FIS1: variants seen among roughly 807,000 people sequenced by gnomAD.
The protein encoded by FIS1 is mitochondrial fission 1 protein.
Under a neutral mutation model 21.6 loss-of-function variants are expected in FIS1, and 16 were observed. The observed-to-expected ratio is 0.74, with a 90% CI of 0.50 to 1.12. The LOEUF is 1.12. FIS1 is among the 50% of genes most tolerant of loss of function. The probability of loss-of-function intolerance (pLI) is 0.00; values close to 1 mark genes in which losing one functional copy is unlikely to be tolerated. For synonymous variants in FIS1, 92 were observed against 82.2 expected, an observed-to-expected ratio of 1.12 and a Z score of -0.65; for missense variants, 198 against 190.9, an observed-to-expected ratio of 1.04 and a Z score of -0.22.
At chr7:101,243,550 G>A (rs915074186) in intron 2 of FIS1, among the ~76,000 whole-genome samples, 1 of 152,196 alleles carries the variant, frequency 6.6e-6, no homozygotes, top group African/African-American at 2.4e-5. Context: ...ACTCCAGCCT[G>A]GGGGACAGAG....
chr7:101,244,573 G>A (rs781224220), intron 1 of FIS1: 7 of 361,762 alleles, frequency 1.9e-5, no homozygotes, highest in Non-Finnish European at 3.6e-5. Flanking sequence ...GAGCTACAAA[G>A]ACTGAGATCT....
At chr7:101,240,382 T>G in intron 3 of FIS1, 135 bp from the exon 4 acceptor site, 1 of 799,764 alleles carries the variant, frequency 1.3e-6, no homozygotes, top group South Asian at 1.7e-5. Context: ...CACTGCAACC[T>G]CAAACTCCCA....
Position 101,244,030 on chromosome 7 carries a change from C to T in FIS1, c.155G>A (p.Arg52His), listed in dbSNP as rs766116617. The T allele has an allele frequency of 1.2e-6, 2 of 1,613,720 alleles. No homozygotes were observed. The highest frequency in any genetic ancestry group is 1.7e-6 in the Non-Finnish European group (2 of 1,179,902). The part of the protein sequence containing the change: ...LVRSKYNDDI[R>H]KGIVLLEELL... ...ACCCTCGAGCAGCACGATGCCTTTA[C>T]GGATGTCATCATTGTACTTGCTCCG... The change falls in exon 2 of 5, where the codon CGT (arginine) becomes CAT (histidine). Residue 52 changes from arginine to histidine, a missense_variant. Arg to His is a conservative substitution (Grantham distance 29, BLOSUM62 0). Coordinates refer to ENST00000223136, the MANE Select transcript of FIS1 (RefSeq NM_016068.3).
At chr7:101,240,115 G>A (rs769054522) in intron 4 of FIS1, 27 bp downstream of exon 4, 5 of 1,609,340 alleles carry the variant, frequency 3.1e-6, no homozygotes, top group African/African-American at 2.7e-5. Context: ...GAAGAGCGGG[G>A]CTGAACAAAG....
intron 1 of FIS1, chr7:101,244,432 C>T (rs1309710159): frequency 1.2e-5 from 5 of 417,164 alleles, no homozygotes; most frequent in Non-Finnish European, 2.2e-5. Flanking sequence ...GGCGGCCGAA[C>T]AGTAAACACG....
chr7:101,240,047 G>A, intron 4 of FIS1, 95 bp downstream of exon 4: 1 of 1,456,864 alleles, frequency 6.9e-7, no homozygotes. Context: ...AAGGGGTGGG[G>A]CTGAGGGGCT....
In FIS1 at chr7:101,239,612, T is replaced by G; in HGVS notation, c.*194A>C. ...CCTCCCCTCAACGCAGACACGGGGG[T>G]TCCCAAGCCACAGCCCCGTTTTATT... is the stretch of plus-strand genomic sequence containing the variant. On this transcript the variant is annotated 3_prime_UTR_variant, in exon 5 of 5. Coordinates refer to ENST00000223136, the MANE Select transcript of FIS1 (RefSeq NM_016068.3). 6 of 633,104 alleles carry G rather than the reference T, an allele frequency of 9.5e-6. No individual in the cohort carries two copies. Among genetic ancestry groups the G allele is most frequent in the East Asian group, 2.9e-5 (1 of 34,752 alleles). The allele number at this position is 633,104 out of a possible 1,614,324, so 39.2% of individuals were successfully genotyped here.
At chr7:101,244,838 G>A in intron 1 of FIS1, 122 bp downstream of exon 1, 1 of 1,232,266 alleles carries the variant, frequency 8.1e-7, no homozygotes, top group Non-Finnish European at 1.2e-6. Flanking sequence ...GAGGCTGCCG[G>A]GAGCCGTAGT....
At chr7:101,240,087 A>G (rs1798719169) in intron 4 of FIS1, 55 bp downstream of exon 4, 3 of 1,585,688 alleles carry the variant, frequency 1.9e-6, no homozygotes, top group South Asian at 1.1e-5. Flanking sequence ...CAGAGAGACC[A>G]AAGTGCCCAG....
chr7:101,240,036 G>T, intron 4 of FIS1, 106 bp downstream of exon 4: 2 of 1,439,018 alleles, frequency 1.4e-6, no homozygotes, highest in Admixed American at 3.6e-5. Flanking sequence ...CTAAGAACTG[G>T]AAGGGGTGGG....
chr7:101,241,842 C>G (rs1289713064), intron 2 of FIS1: 2 of 151,766 alleles, frequency 1.3e-5, no homozygotes, highest in African/African-American at 4.8e-5. Context: ...GCCTGTAATC[C>G]CAGCTGTTCG....
rs1054659959 is a variant in FIS1 at position 101,245,077 on chromosome 7, A to G, written c.-73T>C. 5 of 1,543,438 alleles carry G rather than the reference A, an allele frequency of 3.2e-6. No homozygotes were observed. In the Admixed American group the frequency reaches 7.2e-5, roughly 22 times the overall value. ...CTCCATGGCCCAGTGGCAGGGGCGG[A>G]GAACCACTTCCGGCGTCCGGCGGAT... On this transcript the variant is annotated 5_prime_UTR_variant, in exon 1 of 5. Transcript: ENST00000223136.
In FIS1 at chr7:101,239,523, G is replaced by A. The variant is rs1798703073; in HGVS notation, c.*283C>T. On this transcript the variant is annotated 3_prime_UTR_variant, in exon 5 of 5. Coordinates refer to ENST00000223136, the MANE Select transcript of FIS1 (RefSeq NM_016068.3). ...AAAGAACCCCGTGCCAACCTGGAGG[G>A]CAGGGGCAGGAGAGGACCAGGAGTG... 4.0e-6 allele frequency: 2 copies of A among 498,122 alleles called. No homozygotes were observed. Among genetic ancestry groups the A allele is most frequent in the Admixed American group, 3.2e-5 (1 of 31,572 alleles). 30.9% of individuals were successfully genotyped at this position (498,122 alleles called of 1,614,324 possible).
At chr7:101,243,548 C>A (rs1231788132) in intron 2 of FIS1, among the ~76,000 whole-genome samples, 5 of 152,154 alleles carry the variant, frequency 3.3e-5, no homozygotes, top group African/African-American at 1.2e-4. Context: ...GTACTCCAGC[C>A]TGGGGGACAG....
intron 3 of FIS1, 140 bp from the exon 4 acceptor site, chr7:101,240,387 C>T (rs1466448062): frequency 7.7e-6 from 6 of 777,506 alleles, no homozygotes. Context: ...CAACCTCAAA[C>T]TCCCAGGCTC....
chr7:101,244,577 G>T, intron 1 of FIS1: 1 of 364,758 alleles, frequency 2.7e-6, no homozygotes, highest in East Asian at 5.6e-5. Flanking sequence ...TACAAAGACT[G>T]AGATCTGGCA....
intron 2 of FIS1, among the ~76,000 whole-genome samples, chr7:101,242,957 T>C (rs1048565367): frequency 6.6e-6 from 1 of 152,144 alleles, no homozygotes. Context: ...AACAATACAG[T>C]ATACTATTTA....
Position 101,244,152 on chromosome 7 carries a change from A to G in FIS1, c.46-13T>C. ...TCTTTTCAAACTTCTGCCACAGGGG[A>G]GGAAAGGAATCATTTAGAAATGTAG... On this transcript the variant is annotated splice_polypyrimidine_tract_variant and intron_variant, in intron 1 of 4. Coordinates refer to ENST00000223136, the MANE Select transcript of FIS1 (RefSeq NM_016068.3). 1.9e-6 allele frequency: 3 copies of G among 1,611,584 alleles called. No homozygotes were observed. Among genetic ancestry groups the G allele is most frequent in the Non-Finnish European group, 2.5e-6 (3 of 1,178,616 alleles).
chr7:101,242,927 T>C (rs902367228), intron 2 of FIS1, among the ~76,000 whole-genome samples: 1 of 152,240 alleles, frequency 6.6e-6, no homozygotes. Context: ...CAGACCTTTT[T>C]TTCTTGCCAT....
Sources: allele counts gnomAD v4.1 joint callset (sites outside exome capture counted in the v4.1 genomes callset), GRCh38; gene constraint gnomAD v4.1.1; transcripts MANE v1.5; gene names NCBI Gene and HGNC (gene_info 2026-07-23, HGNC 2026-07-21).